COX16: variants seen among roughly 807,000 people sequenced by gnomAD.
COX16 encodes the protein cytochrome c oxidase assembly protein COX16 homolog, mitochondrial.
COX16 carries 12 observed loss-of-function variants against 15.4 expected under a neutral mutation model. The observed-to-expected ratio is 0.78, with a 90% CI of 0.50 to 1.26. COX16 has a LOEUF of 1.26. Ranked by LOEUF, COX16 falls within the 50% of genes most tolerant of loss-of-function variation. The pLI is 0.00. For missense variants in COX16, 124 were observed against 127.6 expected (o/e 0.97, Z 0.14); for synonymous variants, 46 against 41.1 (o/e 1.12, Z -0.46).
chr14:70,357,809 A>T (rs1004266658), intron 1 of COX16, among the ~76,000 whole-genome samples: 1 of 152,246 alleles, frequency 6.6e-6, no homozygotes, highest in African/African-American at 2.4e-5. Flanking sequence ...ATGTAAAATG[A>T]TGCAGCCACT....
chr14:70,332,955 A>G (rs1886336701), intron 2 of COX16, among the ~76,000 whole-genome samples: 1 of 152,166 alleles, frequency 6.6e-6, no homozygotes, highest in African/African-American at 2.4e-5. Flanking sequence ...TGGGCCAAAA[A>G]GCCATGCCAA....
chr14:70,332,835 G>GC (rs1387624002), intron 2 of COX16, among the ~76,000 whole-genome samples: 1 of 152,230 alleles, frequency 6.6e-6, no homozygotes, highest in Non-Finnish European at 1.5e-5. Flanking sequence ...GCAGAGAACT[G>GC]TTGGGAGGCA....
intron 1 of COX16, among the ~76,000 whole-genome samples, chr14:70,343,710 C>G (rs1450740077): frequency 6.6e-6 from 1 of 152,298 alleles, no homozygotes; most frequent in East Asian, 1.9e-4. Context: ...GAATCACTTT[C>G]ATGTTTTTGC....
At chr14:70,339,576 C>T (rs568386290) in intron 2 of COX16, among the ~76,000 whole-genome samples, 27 of 152,290 alleles carry the variant, frequency 1.8e-4, no homozygotes, top group African/African-American at 6.5e-4. Flanking sequence ...TGTCAACCCC[C>T]CTTGACCTCA....
intron 2 of COX16, among the ~76,000 whole-genome samples, chr14:70,331,715 T>C (rs992529510): frequency 6.9e-6 from 1 of 145,102 alleles, no homozygotes; most frequent in Admixed American, 7.0e-5. Context: ...AAAAACAGTT[T>C]GGAATTATCA....
chr14:70,347,335 T>C (rs1161916475), intron 1 of COX16, among the ~76,000 whole-genome samples: 1 of 152,190 alleles, frequency 6.6e-6, no homozygotes, highest in Admixed American at 6.5e-5. Context: ...ACCCATATAC[T>C]TTACTTTCTG....
chr14:70,347,742 T>TGGCTCTTACCCCATGAACCC (rs1199467960), intron 1 of COX16, among the ~76,000 whole-genome samples: 1 of 152,128 alleles, frequency 6.6e-6, no homozygotes, highest in Non-Finnish European at 1.5e-5. Context: ...TATCTAGGCC[T>TGGCTCTTACCCCATGAACCC]GGCTCTTACC....
chr14:70,340,562 CTT>C (rs373073106), intron 2 of COX16, among the ~76,000 whole-genome samples: 202 of 152,310 alleles, frequency 1.3e-3, no homozygotes, highest in African/African-American at 4.6e-3. Context: ...ATTAATTTCT[CTT>C]TATCATCGTT....
At chr14:70,333,771 C>T (rs1161856393) in intron 2 of COX16, among the ~76,000 whole-genome samples, 1 of 151,896 alleles carries the variant, frequency 6.6e-6, no homozygotes, top group African/African-American at 2.4e-5. Flanking sequence ...CAAATAATAC[C>T]CCAAGACATA....
intron 1 of COX16, among the ~76,000 whole-genome samples, chr14:70,355,191 A>G (rs1445997206): frequency 6.6e-6 from 1 of 152,154 alleles, no homozygotes; most frequent in African/African-American, 2.4e-5. Flanking sequence ...GATCCATTCC[A>G]ACCATCAATG....
At chr14:70,329,049 T>C (rs1173051796) in intron 3 of COX16, 125 bp downstream of exon 3, 5 of 601,416 alleles carry the variant, frequency 8.3e-6, no homozygotes, top group Non-Finnish European at 1.1e-5. Context: ...GCTTTTCAAA[T>C]GATTATAGTT....
At chr14:70,357,158 C>CAAAAAAAAAAAA (rs4048531) in intron 1 of COX16, among the ~76,000 whole-genome samples, 20 of 78,698 alleles carry the variant, frequency 2.5e-4, no homozygotes, top group South Asian at 4.3e-4. Context: ...AAGCGTTTGT[C>CAAAAAAAAAAAA]AAAAAAAAAA....
chr14:70,347,225 C>A (rs558614637), intron 1 of COX16, among the ~76,000 whole-genome samples: 2 of 152,168 alleles, frequency 1.3e-5, no homozygotes, highest in Non-Finnish European at 2.9e-5. Flanking sequence ...TTTTAACACA[C>A]CAGTTCTACC....
At chr14:70,346,421 C>T (rs886803536) in intron 1 of COX16, among the ~76,000 whole-genome samples, 1 of 152,330 alleles carries the variant, frequency 6.6e-6, no homozygotes, top group African/African-American at 2.4e-5. Flanking sequence ...CAATGAAGGC[C>T]ACTGGTCCAG....
chr14:70,354,689 A>G (rs1887069638), intron 1 of COX16, among the ~76,000 whole-genome samples: 1 of 152,158 alleles, frequency 6.6e-6, no homozygotes, highest in Non-Finnish European at 1.5e-5. Flanking sequence ...CCTTTATAAT[A>G]ACACTGTAAT....
rs541031864 is a variant in COX16, at chr14:70,346,652, C to A, written c.70-3923G>T. On this transcript the variant is annotated intron_variant, in intron 1 of 3. Transcript: ENST00000389912. ...ATCGCTTCATCCGAGCCAAGGGTAA[C>A]CCTGATGGTGGCAGGTAGGCCAGTA... Among the ~76,000 whole-genome samples the A allele has an allele frequency of 7.9e-5, 12 of 152,294 alleles. No homozygotes were observed. The South Asian group carries it at 2.3e-3, about 29-fold the overall frequency.
At chr14:70,340,802 C>T (rs1886602311) in intron 2 of COX16, among the ~76,000 whole-genome samples, 1 of 152,192 alleles carries the variant, frequency 6.6e-6, no homozygotes, top group South Asian at 2.1e-4. Context: ...TATCATTTAG[C>T]TAATTCCTAC....
At chr14:70,334,619 T>G (rs1046311423) in intron 2 of COX16, among the ~76,000 whole-genome samples, 5 of 152,190 alleles carry the variant, frequency 3.3e-5, no homozygotes, top group African/African-American at 1.2e-4. Flanking sequence ...GTAATCAAAG[T>G]TAAGTTGGTA....
chr14:70,326,488 T>A (rs1886081569), intron 3 of COX16, 39 bp from the exon 4 acceptor site: 1 of 1,480,282 alleles, frequency 6.8e-7, no homozygotes, highest in Admixed American at 2.3e-5. Flanking sequence ...AATATTAGTA[T>A]AAGAGCCTGT....
Sources: allele counts gnomAD v4.1 joint callset (sites outside exome capture counted in the v4.1 genomes callset), GRCh38; gene constraint gnomAD v4.1.1; transcripts MANE v1.5; gene names NCBI Gene and HGNC (gene_info 2026-07-23, HGNC 2026-07-21).